DISC1: variants seen among roughly 807,000 people sequenced by gnomAD.
The protein encoded by DISC1 is DISC1 scaffold protein.
In DISC1, 57 loss-of-function variants were observed where a neutral mutation model predicts 84.5. The observed-to-expected ratio is 0.67, with a 90% confidence interval of 0.55 to 0.84. The LOEUF (loss-of-function observed/expected upper bound fraction) is 0.84, where lower values mean the gene tolerates loss of function less well. Ranked by LOEUF, DISC1 falls within the 40% of genes least tolerant of loss-of-function variation. DISC1 has a pLI of 0.00. For missense variants in DISC1, 1,000 were observed against 1,057.8 expected (o/e 0.95, Z 0.76); for synonymous variants, 411 against 415.2 (o/e 0.99, Z 0.12).
At chr1:231,703,165 G>T (rs1343420652) in intron 3 of DISC1, among the ~76,000 whole-genome samples, 8 of 152,216 alleles carry the variant, frequency 5.3e-5, no homozygotes, top group Non-Finnish European at 1.2e-4. Context: ...ATTGCAGTTG[G>T]GTTTAGAAAG....
chr1:231,704,709 G>T (rs564196086), intron 3 of DISC1, among the ~76,000 whole-genome samples: 24 of 142,014 alleles, frequency 1.7e-4, no homozygotes, highest in Non-Finnish European at 3.2e-4. Context: ...GCAGTGAGCC[G>T]AGATGGCGCC....
intron 4 of DISC1, among the ~76,000 whole-genome samples, chr1:231,762,155 TTTTCTTTC>T (rs60776002): frequency 1.6e-4 from 23 of 147,372 alleles, no homozygotes; most frequent in African/African-American, 5.5e-4. Context: ...CCTTCTTTCT[TTTTCTTTC>T]TTTCTTTCCC....
chr1:231,769,797 C>G (rs923098222), intron 5 of DISC1, among the ~76,000 whole-genome samples: 2 of 152,084 alleles, frequency 1.3e-5, no homozygotes, highest in Non-Finnish European at 2.9e-5. Context: ...AGTTAAAAAA[C>G]TAAAAGAAAA....
At chr1:231,634,293 C>G (rs2059005593) in intron 1 of DISC1, among the ~76,000 whole-genome samples, 1 of 151,910 alleles carries the variant, frequency 6.6e-6, no homozygotes, top group Non-Finnish European at 1.5e-5. Context: ...TCATCTTACT[C>G]CAACACTGAT....
chr1:231,767,323 G>GA, intron 5 of DISC1, 54 bp downstream of exon 5: 1 of 1,607,114 alleles, frequency 6.2e-7, no homozygotes, highest in Non-Finnish European at 8.5e-7. Context: ...TTTTCTTTGA[G>GA]ACAGGGTCTT....
chr1:231,850,297 G>T (rs1301759705), intron 9 of DISC1, among the ~76,000 whole-genome samples: 2 of 152,236 alleles, frequency 1.3e-5, no homozygotes, highest in African/African-American at 2.4e-5. Context: ...AGACGGAGGC[G>T]TGAGGTAGGA....
intron 9 of DISC1, among the ~76,000 whole-genome samples, chr1:231,905,798 T>C (rs1468076218): frequency 6.6e-6 from 1 of 152,074 alleles, no homozygotes; most frequent in Non-Finnish European, 1.5e-5. Flanking sequence ...GATTCGATGG[T>C]AGTAGTCTAT....
intron 9 of DISC1, among the ~76,000 whole-genome samples, chr1:231,923,504 T>C (rs1211963474): frequency 4.6e-5 from 7 of 152,172 alleles, no homozygotes; most frequent in South Asian, 2.1e-4. Flanking sequence ...TCTTTCTTTT[T>C]ATTCTGCAAC....
At position 231,702,022 on chromosome 1, in the gene DISC1, A is replaced by G; in HGVS notation, c.1115A>G (p.Lys372Arg). 6.2e-7 allele frequency: 1 copy of G among 1,603,830 alleles called. No individual in the cohort carries two copies. Among genetic ancestry groups the G allele is most frequent in the Non-Finnish European group, 8.5e-7 (1 of 1,176,862 alleles). ...EDAVENDDYDKAETLQQRLED... is the reference protein window; with the variant it reads ...EDAVENDDYDRAETLQQRLED... ...GCAGTTGAGAATGATGATTATGATA[A>G]AGGTGAGTTTTAATTTGTTTATTGA... Residue 372 changes from lysine (K) to arginine (R), a missense_variant and splice_region_variant, in exon 3 of 13, where the codon AAA (lysine) becomes AGA (arginine). By Grantham distance (26) the Lys-to-Arg change is conservative. This residue lies in a region of DISC1 where 311 missense variants were observed against 400.1 expected (regional missense o/e 0.78). Transcript: ENST00000439617.
chr1:232,017,523 C>T (rs1668597533), intron 11 of DISC1, among the ~76,000 whole-genome samples: 1 of 143,854 alleles, frequency 7.0e-6, no homozygotes. Context: ...GTGACTTTCA[C>T]TGCAGGAATT....
chr1:231,858,872 C>T (rs995542167), intron 9 of DISC1, among the ~76,000 whole-genome samples: 9 of 152,096 alleles, frequency 5.9e-5, no homozygotes, highest in African/African-American at 1.4e-4. Context: ...AAATGTAAAA[C>T]GTTGATGAAT....
chr1:232,005,506 TGG>T (rs1322589604), intron 10 of DISC1, among the ~76,000 whole-genome samples: 1 of 152,208 alleles, frequency 6.6e-6, no homozygotes, highest in Non-Finnish European at 1.5e-5. Flanking sequence ...TTCATTATGA[TGG>T]GCCTAGGTAT....
intron 9 of DISC1, among the ~76,000 whole-genome samples, chr1:231,894,384 T>G (rs944312837): frequency 6.6e-6 from 1 of 152,218 alleles, no homozygotes; most frequent in Non-Finnish European, 1.5e-5. Flanking sequence ...TAAGAAAATA[T>G]TACAGATACA....
chr1:231,799,277 A>G (rs966405293), intron 7 of DISC1, among the ~76,000 whole-genome samples: 6 of 152,156 alleles, frequency 3.9e-5, no homozygotes, highest in African/African-American at 1.4e-4. Context: ...GCCAGCAAGT[A>G]TCTATCTGCC....
At chr1:231,962,502 G>A (rs1054406453) in intron 10 of DISC1, among the ~76,000 whole-genome samples, 5 of 152,118 alleles carry the variant, frequency 3.3e-5, no homozygotes, top group African/African-American at 1.2e-4. Context: ...ACAATCCTGA[G>A]CAAAAAGAAC....
chr1:231,654,298 A>G (rs1294327412), intron 1 of DISC1, among the ~76,000 whole-genome samples: 2 of 150,546 alleles, frequency 1.3e-5, no homozygotes, highest in African/African-American at 4.8e-5. Context: ...TATGTCAAAA[A>G]TTTGATAGGA....
intron 3 of DISC1, among the ~76,000 whole-genome samples, chr1:231,731,835 A>G (rs755954425): frequency 3.9e-5 from 6 of 152,292 alleles, no homozygotes; most frequent in Non-Finnish European, 7.4e-5. Flanking sequence ...AGCCAAGGCA[A>G]TGGCTCTCCC....
intron 9 of DISC1, among the ~76,000 whole-genome samples, chr1:231,864,631 C>G (rs1426699816): frequency 6.6e-6 from 1 of 152,056 alleles, no homozygotes; most frequent in African/African-American, 2.4e-5. Flanking sequence ...CCACTGCACT[C>G]CAGCCTGGGT....
intron 4 of DISC1, among the ~76,000 whole-genome samples, chr1:231,757,322 A>T (rs1004744418): frequency 6.6e-6 from 1 of 152,202 alleles, no homozygotes; most frequent in Non-Finnish European, 1.5e-5. Flanking sequence ...TTCACTCCTT[A>T]GAGGGTCTTT....
Sources: allele counts gnomAD v4.1 joint callset (sites outside exome capture counted in the v4.1 genomes callset), GRCh38; gene constraint gnomAD v4.1.1; regional missense constraint gnomAD v4.1.1; transcripts MANE v1.5; gene names NCBI Gene and HGNC (gene_info 2026-07-23, HGNC 2026-07-21).